Variants in ZNF548 observed in about 807,000 individuals in gnomAD.
The protein encoded by ZNF548 is zinc finger protein 548.
ZNF548 carries 10 observed loss-of-function variants against 10.2 expected under a neutral mutation model. The observed-to-expected ratio is 0.98, with a 90% CI of 0.60 to 1.66. The LOEUF is 1.66. Ranked by LOEUF, ZNF548 falls within the 40% of genes most tolerant of loss-of-function variation. The probability of loss-of-function intolerance (pLI) is 0.00; values close to 1 mark genes in which losing one functional copy is unlikely to be tolerated. For missense variants in ZNF548, 599 were observed against 657.0 expected (o/e 0.91, Z 0.97); for synonymous variants, 217 against 223.5 (o/e 0.97, Z 0.26).
intron 1 of ZNF548, chr19:57,390,867 A>T (rs1238674101): frequency 1.3e-5 from 2 of 152,148 alleles, no homozygotes; most frequent in Non-Finnish European, 2.9e-5. Flanking sequence ...GAGGAAGGGG[A>T]TTGGGTTGGC....
Position 57,400,053 on chromosome 19 carries a change from T to C in ZNF548, c.*164T>C. On this transcript the variant is annotated 3_prime_UTR_variant, in exon 4 of 4. Coordinates refer to ENST00000336128, the MANE Select transcript of ZNF548 (RefSeq NM_001172773.2). ...ATGTCTCAACTATATTTCTATACTC[T>C]ATGGTACTTATATGAGGTACCAATA... 5.0e-6 allele frequency: 3 copies of C among 598,708 alleles called. No individual in the cohort carries two copies. The South Asian group carries it at 6.8e-5, about 14-fold the overall frequency. 37.1% of individuals were successfully genotyped at this position (598,708 alleles called of 1,614,324 possible). A position where few individuals can be genotyped will look rare whatever the true frequency, so the allele number is the denominator to read the frequency against.
intron 1 of ZNF548, among the ~76,000 whole-genome samples, chr19:57,391,674 A>G (rs975347530): frequency 1.3e-5 from 2 of 151,256 alleles, no homozygotes; most frequent in African/African-American, 4.9e-5. Context: ...GTGTAAGGAG[A>G]TACTGTGGTT....
In ZNF548 at chr19:57,398,442, G is replaced by A; in HGVS notation, c.191G>A (p.Gly64Glu). ...ALLSSLGSWH[G>E]AEDEEAPSQQ... Reference sequence around the variant, plus strand: ...TCTGTTCTGACAGGTTCTTGGCATGGAGCTGAGGATGAGGAGGCACCTTCA... The same window carrying A: ...TCTGTTCTGACAGGTTCTTGGCATGAAGCTGAGGATGAGGAGGCACCTTCA... Residue 64 changes from glycine (G) to glutamate (E), a missense_variant, in exon 4 of 4, where the codon GGA (glycine) becomes GAA (glutamate). Coordinates refer to ENST00000336128, the MANE Select transcript of ZNF548 (RefSeq NM_001172773.2). The A allele has an allele frequency of 1.2e-6, 2 of 1,613,298 alleles. No homozygotes were observed. The highest frequency in any genetic ancestry group is 1.7e-6 in the Non-Finnish European group (2 of 1,179,276).
intron 2 of ZNF548, among the ~76,000 whole-genome samples, chr19:57,396,729 G>A (rs769132120): frequency 2.6e-5 from 4 of 152,232 alleles, no homozygotes; most frequent in Non-Finnish European, 4.4e-5. Flanking sequence ...GTCCACGGAC[G>A]CTATTGGGGT....
intron 2 of ZNF548, among the ~76,000 whole-genome samples, chr19:57,394,743 T>A (rs2088653330): frequency 6.6e-6 from 1 of 152,194 alleles, no homozygotes; most frequent in Non-Finnish European, 1.5e-5. Context: ...AGGATGTTCC[T>A]GCAGCAGTCT....
intron 1 of ZNF548, 67 bp from the exon 2 acceptor site, chr19:57,394,121 T>C: frequency 6.6e-7 from 1 of 1,518,754 alleles, no homozygotes; most frequent in Non-Finnish European, 8.9e-7. Context: ...GACGAGGTGG[T>C]GGTCCATCTC....
intron 1 of ZNF548, chr19:57,392,960 G>C (rs1184002946): frequency 2.0e-6 from 2 of 985,604 alleles, no homozygotes; most frequent in Non-Finnish European, 1.2e-6. Flanking sequence ...TAAGCATATG[G>C]CCTGGGATGG....
At chr19:57,397,719 C>G (rs2088677424) in intron 3 of ZNF548, among the ~76,000 whole-genome samples, 1 of 152,116 alleles carries the variant, frequency 6.6e-6, no homozygotes, top group East Asian at 1.9e-4. Context: ...CCCCAGGCAC[C>G]TGAGAGGGTG....
Position 57,389,908 on chromosome 19 carries a change from C to A in ZNF548, c.-192C>A. On this transcript the variant is annotated 5_prime_UTR_variant, in exon 1 of 4. Coordinates refer to ENST00000336128, the MANE Select transcript of ZNF548 (RefSeq NM_001172773.2). Reference sequence around the variant, plus strand: ...CGTTTTGGTTCTGTGTGGTGTTTCACCAACTTCGGCCTATGGCTCTGTCTG... The same window carrying A: ...CGTTTTGGTTCTGTGTGGTGTTTCAACAACTTCGGCCTATGGCTCTGTCTG... 3.3e-6 allele frequency: 2 copies of A among 603,870 alleles called. No homozygotes were observed. Among genetic ancestry groups the A allele is most frequent in the African/African-American group, 1.9e-5 (1 of 53,910 alleles). The allele number at this position is 603,870 out of a possible 1,614,324, so 37.4% of individuals were successfully genotyped here.
chr19:57,399,832 T>C lies in ZNF548; in HGVS notation c.1581T>C (p.Ala527=). 6.2e-7 allele frequency: 1 copy of C among 1,613,566 alleles called. No homozygotes were observed. Among genetic ancestry groups the C allele is most frequent in the Non-Finnish European group, 8.5e-7 (1 of 1,179,588 alleles). The change falls in exon 4 of 4, where the codon GCT becomes GCC. Residue 527 remains alanine (A), a synonymous_variant. Coordinates refer to ENST00000336128, the MANE Select transcript of ZNF548 (RefSeq NM_001172773.2). The surrounding 1 kb of genome is among the most constrained non-coding windows in gnomAD (Gnocchi z 4.0). The stretch of plus-strand genomic sequence containing the variant: ...CCATGAATGTGGGGAATTCTTTAGC[T>C]AAAACTCCAACCTCATTAAACATCA... The part of the protein sequence containing the change: ...VCSMNVGNSL[A]KTPTSLNIRD...
intron 1 of ZNF548, among the ~76,000 whole-genome samples, chr19:57,392,375 A>G (rs1386587301): frequency 6.6e-6 from 1 of 152,204 alleles, no homozygotes; most frequent in African/African-American, 2.4e-5. Context: ...ACCAATGTCC[A>G]GAAGGGGTTT....
At chr19:57,394,107 G>C in intron 1 of ZNF548, 81 bp from the exon 2 acceptor site, 2 of 1,457,948 alleles carry the variant, frequency 1.4e-6, no homozygotes, top group South Asian at 2.4e-5. Flanking sequence ...TCCCAGGCAG[G>C]GCAGACGAGG....
At position 57,399,980 on chromosome 19, in the gene ZNF548, G is replaced by A. The variant is rs1442273203; in HGVS notation, c.*91G>A. 2.8e-6 allele frequency: 3 copies of A among 1,057,160 alleles called. No individual in the cohort carries two copies. The highest frequency in any genetic ancestry group is 4.0e-6 in the Non-Finnish European group (3 of 752,636). The allele number at this position is 1,057,160 out of a possible 1,614,324, so 65.5% of individuals were successfully genotyped here. On this transcript the variant is annotated 3_prime_UTR_variant, in exon 4 of 4. Coordinates refer to ENST00000336128, the MANE Select transcript of ZNF548 (RefSeq NM_001172773.2). This position sits in a 1 kb window ranked among gnomAD's most constrained non-coding sequence, Gnocchi z 4.0. Reference sequence around the variant, plus strand: ...TTTTCCTCTTACCAAGAAGTAAAATGCTGTACCCATTAACAACAACTCATT... The same window carrying A: ...TTTTCCTCTTACCAAGAAGTAAAATACTGTACCCATTAACAACAACTCATT...
rs139195172 is a variant in ZNF548, at chr19:57,400,719, C to A, written c.*830C>A. On this transcript the variant is annotated 3_prime_UTR_variant, in exon 4 of 4. Transcript: ENST00000336128. ...AAGTGCTGGGATTACGGGCGTGAGCCACCGCGCCTGGCCAGGATTTCTATT... is the reference window on the plus strand; with the variant it reads ...AAGTGCTGGGATTACGGGCGTGAGCAACCGCGCCTGGCCAGGATTTCTATT... 2,206 of 152,344 alleles carry A rather than the reference C, an allele frequency of 0.014. 29 individuals carry two copies. Among genetic ancestry groups the A allele is most frequent in the Middle Eastern group, 0.041 (12 of 294 alleles). The allele number at this position is 152,344 out of a possible 1,614,324, so 9.4% of individuals were successfully genotyped here. A position where few individuals can be genotyped will look rare whatever the true frequency, so the allele number is the denominator to read the frequency against.
chr19:57,399,501 A>C lies in ZNF548; in HGVS notation c.1250A>C (p.His417Pro). ...CSECGKSFRY[H>P]CRLIRHQRVH... Reference sequence around the variant, plus strand: ...GAATGTGGGAAATCATTTAGGTACCACTGCAGGCTCATTAGACACCAGAGA... The same window carrying C: ...GAATGTGGGAAATCATTTAGGTACCCCTGCAGGCTCATTAGACACCAGAGA... The change falls in exon 4 of 4, where the codon CAC becomes CCC. Residue 417 changes from histidine (H) to proline (P), a missense_variant. Coordinates refer to ENST00000336128, the MANE Select transcript of ZNF548 (RefSeq NM_001172773.2). The surrounding 1 kb of genome is among the most constrained non-coding windows in gnomAD (Gnocchi z 4.0). 1 of 1,613,204 alleles carries C rather than the reference A, an allele frequency of 6.2e-7. No homozygotes were observed. Among genetic ancestry groups the C allele is most frequent in the Non-Finnish European group, 8.5e-7 (1 of 1,179,768 alleles).
chr19:57,397,448 C>G (rs1272506901), intron 3 of ZNF548: 1 of 434,220 alleles, frequency 2.3e-6, no homozygotes, highest in Admixed American at 3.9e-5. Flanking sequence ...TTGTCTGTCC[C>G]TGGTCAGGTT....
chr19:57,392,131 TG>T (rs1043123628), intron 1 of ZNF548, among the ~76,000 whole-genome samples: 7 of 151,838 alleles, frequency 4.6e-5, no homozygotes, highest in East Asian at 3.9e-4. Flanking sequence ...TTTTTGTTGT[TG>T]TTTTTTTGTT....
rs773141345 is a variant in ZNF548, at chr19:57,398,986, C to A, written c.735C>A (p.Phe245Leu). Residue 245 changes from phenylalanine to leucine, a missense_variant, in exon 4 of 4, where the codon TTC becomes TTA. Physicochemically the swap from Phe to Leu is conservative, Grantham distance 22. Transcript: ENST00000336128. Reference sequence around the variant, plus strand: ...ATGAATGTAACAAATGTGGGAAATTCTTTAAGTACAGTGCCAATTTCATGA... The same window carrying A: ...ATGAATGTAACAAATGTGGGAAATTATTTAAGTACAGTGCCAATTTCATGA... Reference protein sequence around the residue: ...RSYECNKCGKFFKYSANFMKH... With the variant: ...RSYECNKCGKLFKYSANFMKH... 18 of 1,614,064 alleles carry A rather than the reference C, an allele frequency of 1.1e-5. No homozygotes were observed. The East Asian group carries it at 3.1e-4, about 28-fold the overall frequency.
At chr19:57,393,817 C>T (rs2123039513) in intron 1 of ZNF548, among the ~76,000 whole-genome samples, 1 of 152,028 alleles carries the variant, frequency 6.6e-6, no homozygotes, top group East Asian at 1.9e-4. Flanking sequence ...CCTCTAAAAT[C>T]TTAAGCTAAA....
Sources: gnomAD v4.1 joint callset for allele counts (sites outside exome capture counted in the v4.1 genomes callset) on GRCh38, gnomAD v4.1.1 for gene constraint, Gnocchi (gnomAD v3.1) non-coding constraint, MANE v1.5 for transcripts, NCBI Gene and HGNC (gene_info 2026-07-23, HGNC 2026-07-21) for gene names.